The following CSMD1 variants were observed in gnomAD, a reference collection of about 807,000 sequenced individuals.
The protein encoded by CSMD1 is CUB and Sushi multiple domains 1, also known as CUB and sushi domain-containing protein 1.
In CSMD1, 213 loss-of-function variants were observed where a neutral mutation model predicts 417.5. The observed-to-expected ratio is 0.51, with a 90% CI of 0.46 to 0.57. The LOEUF (loss-of-function observed/expected upper bound fraction) is 0.57, where lower values mean the gene tolerates loss of function less well. Among genes scored for constraint, CSMD1 ranks in the 20% least tolerant of loss-of-function variants. The pLI is 0.00. For synonymous variants in CSMD1, 2,862 were observed against 1,736.8 expected (o/e 1.65, Z -16.11); for missense variants, 6,923 against 4,529.7 (o/e 1.53, Z -15.17).
intron 5 of CSMD1, among the ~76,000 whole-genome samples, chr8:3,830,417 G>C (rs1425803856): frequency 6.6e-6 from 1 of 152,112 alleles, no homozygotes; most frequent in Admixed American, 6.6e-5. Flanking sequence ...ATGATACCCA[G>C]GTTCTAATTA....
At chr8:4,340,818 C>T (rs952353159) in intron 3 of CSMD1, among the ~76,000 whole-genome samples, 6 of 152,088 alleles carry the variant, frequency 3.9e-5, no homozygotes, top group African/African-American at 1.4e-4. Context: ...TGCTTACCCA[C>T]TTCTAGAATC....
At chr8:3,926,092 C>CACACACACAAACACCAT (rs1563218180) in intron 5 of CSMD1, among the ~76,000 whole-genome samples, 61 of 49,500 alleles carry the variant, frequency 1.2e-3, no homozygotes, top group African/African-American at 8.2e-3. Flanking sequence ...TACACACACA[C>CACACACACAAACACCAT]ACACACACAC....
chr8:3,815,256 T>C (rs1801308320), intron 5 of CSMD1, among the ~76,000 whole-genome samples: 1 of 152,194 alleles, frequency 6.6e-6, no homozygotes, highest in Non-Finnish European at 1.5e-5. Context: ...GGGTAAAGTG[T>C]CTGAGGATGT....
At chr8:4,624,359 T>C (rs1801973029) in intron 2 of CSMD1, among the ~76,000 whole-genome samples, 1 of 152,106 alleles carries the variant, frequency 6.6e-6, no homozygotes, top group South Asian at 2.1e-4. Flanking sequence ...CAAAAGAAAG[T>C]AACCGAAATC....
intron 1 of CSMD1, among the ~76,000 whole-genome samples, chr8:4,658,845 T>C (rs1157902584): frequency 6.6e-6 from 1 of 152,188 alleles, no homozygotes; most frequent in Non-Finnish European, 1.5e-5. Context: ...TGTTCCTATG[T>C]GAACATGGTC....
intron 2 of CSMD1, among the ~76,000 whole-genome samples, chr8:4,434,298 G>A (rs1798031308): frequency 6.6e-6 from 1 of 152,162 alleles, no homozygotes; most frequent in Non-Finnish European, 1.5e-5. Context: ...CCTTGGAGAT[G>A]GAGGTTGCAG....
intron 3 of CSMD1, among the ~76,000 whole-genome samples, chr8:4,411,307 A>C (rs1796638999): frequency 6.6e-6 from 1 of 152,172 alleles, no homozygotes; most frequent in South Asian, 2.1e-4. Context: ...TATTCCTTTT[A>C]GACAAGTAAC....
chr8:4,892,013 G>T (rs151019423), intron 1 of CSMD1, among the ~76,000 whole-genome samples: 1 of 152,016 alleles, frequency 6.6e-6, no homozygotes, highest in African/African-American at 2.4e-5. Flanking sequence ...ACTGTAATGA[G>T]AGCACCACTA....
intron 18 of CSMD1, among the ~76,000 whole-genome samples, chr8:3,378,262 C>T (rs1810435460): frequency 6.6e-6 from 1 of 152,104 alleles, no homozygotes; most frequent in African/African-American, 2.4e-5. Flanking sequence ...AATTAATAGC[C>T]TACCAACTAA....
intron 2 of CSMD1, among the ~76,000 whole-genome samples, chr8:4,596,968 T>C (rs1000906112): frequency 6.6e-6 from 1 of 152,186 alleles, no homozygotes; most frequent in African/African-American, 2.4e-5. Flanking sequence ...GCCACCTCCA[T>C]GTTAGAAGTG....
At chr8:4,028,474 G>T (rs1203316623) in intron 4 of CSMD1, among the ~76,000 whole-genome samples, 1 of 151,444 alleles carries the variant, frequency 6.6e-6, no homozygotes, top group Non-Finnish European at 1.5e-5. Context: ...ACACCAAGCA[G>T]ATCTCATAAG....
Position 3,998,088 on chromosome 8 carries a change from G to C in CSMD1, c.633C>G (p.Thr211=), listed in dbSNP as rs1288274825. 23 of 1,579,254 alleles carry C rather than the reference G, an allele frequency of 1.5e-5. No homozygotes were observed. The highest frequency in any genetic ancestry group is 2.7e-5 in the African/African-American group (2 of 74,176). Residue 211 remains threonine (T), a synonymous_variant, in exon 5 of 70, where the codon ACC becomes ACG. Coordinates refer to ENST00000635120, the MANE Select transcript of CSMD1 (RefSeq NM_033225.6). The stretch of plus-strand genomic sequence containing the variant: ...AGATGGAGCTGCTGGTCCCGCGTAA[G>C]GTTCCTCCGCAGGCTCCCTCAGCTG... The part of the protein sequence containing the change: ...FCRAEGACGG[T]LRGTSSSISS...
intron 26 of CSMD1, chr8:3,279,289 C>G (rs940282933): frequency 3.3e-5 from 5 of 152,212 alleles, no homozygotes; most frequent in African/African-American, 1.2e-4. Context: ...ACTCACCACA[C>G]TGAATCATCC....
chr8:4,059,024 T>C (rs552216837), intron 3 of CSMD1, among the ~76,000 whole-genome samples: 11 of 152,108 alleles, frequency 7.2e-5, no homozygotes, highest in Non-Finnish European at 1.3e-4. Flanking sequence ...TATTCCAAAA[T>C]TGACCATACA....
In CSMD1 at chr8:3,230,047, T is replaced by G; in HGVS notation, c.4338A>C (p.Thr1446=). ...AGTTCTGTTGTCTGATACCTATGCA[T>G]GTAGGAGGGTCTGGTTGCCAAAAGA... ...NRFFWQPDPP[T]CIAACGGNLT... is the part of the protein sequence containing the mutation. The change falls in exon 27 of 70, where the codon ACA becomes ACC. Residue 1446 remains threonine (T), a synonymous_variant. Transcript: ENST00000635120. 6.2e-7 allele frequency: 1 copy of G among 1,601,854 alleles called. No individual in the cohort carries two copies. The highest frequency in any genetic ancestry group is 8.5e-7 in the Non-Finnish European group (1 of 1,173,640).
At chr8:3,500,086 T>C (rs1405682539) in intron 10 of CSMD1, among the ~76,000 whole-genome samples, 4 of 152,056 alleles carry the variant, frequency 2.6e-5, no homozygotes, top group African/African-American at 7.2e-5. Flanking sequence ...CTCCCTACAA[T>C]CGGGAGTCCT....
At chr8:4,630,777 T>C (rs1402856650) in intron 2 of CSMD1, among the ~76,000 whole-genome samples, 1 of 152,260 alleles carries the variant, frequency 6.6e-6, no homozygotes, top group South Asian at 2.1e-4. Flanking sequence ...TGGGTTTCTG[T>C]GATGTGTCAT....
At chr8:3,902,164 T>C (rs1265276325) in intron 5 of CSMD1, among the ~76,000 whole-genome samples, 4 of 152,144 alleles carry the variant, frequency 2.6e-5, no homozygotes, top group Admixed American at 6.5e-5. Context: ...TGTAGCAACA[T>C]TGCTACTAAT....
rs78471679 is a variant in CSMD1, at chr8:4,958,037, T to A, written c.85+36295A>T. 1.0e-3 allele frequency among the ~76,000 whole-genome samples: 156 copies of A among 152,314 alleles called. 3 individuals are homozygous for A. In the East Asian group the frequency reaches 0.013, roughly 13 times the overall value. On this transcript the variant is annotated intron_variant, in intron 1 of 69. Coordinates refer to ENST00000635120, the MANE Select transcript of CSMD1 (RefSeq NM_033225.6). ...AAGTCACGACGTTGAGGAGAAAGCA[T>A]CTTTAGCATTCATTTGATAAGAGGG...
Sources: allele counts gnomAD v4.1 joint callset (sites outside exome capture counted in the v4.1 genomes callset), GRCh38; gene constraint gnomAD v4.1.1; transcripts MANE v1.5; gene names NCBI Gene and HGNC (gene_info 2026-07-23, HGNC 2026-07-21).